The following KAZN variants were observed in gnomAD, a reference collection of about 807,000 sequenced individuals.
KAZN encodes the protein kazrin, periplakin interacting protein, also known as kazrin.
KAZN carries 40 observed loss-of-function variants against 87.4 expected under a neutral mutation model. That is an observed-to-expected ratio of 0.46 (90% confidence interval 0.36 to 0.60). The LOEUF is 0.60. KAZN is among the 20% of genes least tolerant of loss of function. KAZN has a pLI of 0.00. For missense variants in KAZN, 898 were observed against 1,073.9 expected, an observed-to-expected ratio of 0.84 and a Z score of 2.29; for synonymous variants, 466 against 458.3, an observed-to-expected ratio of 1.02 and a Z score of -0.22.
chr1:14,635,910 G>A (rs1679945646), intron 1 of KAZN, among the ~76,000 whole-genome samples: 1 of 152,196 alleles, frequency 6.6e-6, no homozygotes, highest in Non-Finnish European at 1.5e-5. Flanking sequence ...TGACACATCA[G>A]TTCTAAACAC....
chr1:14,703,965 T>G (rs1485381824), intron 1 of KAZN, among the ~76,000 whole-genome samples: 2 of 152,226 alleles, frequency 1.3e-5, no homozygotes, highest in Non-Finnish European at 2.9e-5. Flanking sequence ...GAATGTGGCT[T>G]ACATATGAGA....
chr1:13,924,451 A>G (rs1423831734), intron 1 of KAZN, among the ~76,000 whole-genome samples: 2 of 152,180 alleles, frequency 1.3e-5, no homozygotes, highest in Non-Finnish European at 2.9e-5. Flanking sequence ...ATTGAGATTT[A>G]ATTTATATAT....
At chr1:14,183,687 C>G (rs905553204) in intron 2 of KAZN, among the ~76,000 whole-genome samples, 1 of 152,060 alleles carries the variant, frequency 6.6e-6, no homozygotes, top group Non-Finnish European at 1.5e-5. Flanking sequence ...TTAAATCTCT[C>G]CTTGGCAGTT....
At chr1:13,966,694 T>G (rs1187383066) in intron 1 of KAZN, among the ~76,000 whole-genome samples, 1 of 152,204 alleles carries the variant, frequency 6.6e-6, no homozygotes, top group Non-Finnish European at 1.5e-5. Flanking sequence ...TGAGTTGAGA[T>G]GTGCCGTAAG....
At chr1:14,456,822 G>A (rs1667591146) in intron 2 of KAZN, among the ~76,000 whole-genome samples, 1 of 152,164 alleles carries the variant, frequency 6.6e-6, no homozygotes, top group Admixed American at 6.5e-5. Context: ...GCTCACACCT[G>A]TAATCCCAGC....
At chr1:14,413,688 C>T (rs1051331382) in intron 2 of KAZN, among the ~76,000 whole-genome samples, 1 of 141,934 alleles carries the variant, frequency 7.0e-6, no homozygotes, top group South Asian at 2.3e-4. Context: ...TTTGGAAACA[C>T]AAATGACAAA....
At chr1:14,707,247 T>C (rs145832800) in intron 1 of KAZN, among the ~76,000 whole-genome samples, 2 of 152,324 alleles carry the variant, frequency 1.3e-5, no homozygotes, top group Non-Finnish European at 2.9e-5. Flanking sequence ...GGAGGGGACA[T>C]GCTGGCTTCT....
chr1:14,382,007 A>T (rs567562786), intron 2 of KAZN, among the ~76,000 whole-genome samples: 1 of 152,230 alleles, frequency 6.6e-6, no homozygotes, highest in Non-Finnish European at 1.5e-5. Context: ...AAGATACAAA[A>T]ATCAGTAGCA....
chr1:14,466,933 C>G (rs907363483), intron 2 of KAZN, among the ~76,000 whole-genome samples: 1 of 152,086 alleles, frequency 6.6e-6, no homozygotes, highest in Non-Finnish European at 1.5e-5. Context: ...CGCGCCACTG[C>G]GCTCCAGCCT....
chr1:14,521,499 G>A (rs549017649), intron 2 of KAZN, among the ~76,000 whole-genome samples: 3 of 152,316 alleles, frequency 2.0e-5, no homozygotes, highest in East Asian at 1.9e-4. Flanking sequence ...TGTGAACCCT[G>A]TAATGCTGAG....
chr1:14,425,778 A>G (rs769396597), intron 2 of KAZN, among the ~76,000 whole-genome samples: 12 of 152,214 alleles, frequency 7.9e-5, no homozygotes, highest in Admixed American at 1.3e-4. Context: ...TATTTGTCCC[A>G]TTTTATAGGT....
intron 2 of KAZN, among the ~76,000 whole-genome samples, chr1:14,385,100 G>C (rs985533578): frequency 6.6e-6 from 1 of 151,942 alleles, no homozygotes; most frequent in African/African-American, 2.4e-5. Flanking sequence ...TAGTTTATTT[G>C]CGTAGAGGTG....
intron 1 of KAZN, among the ~76,000 whole-genome samples, chr1:14,794,660 C>T (rs976846254): frequency 1.3e-5 from 2 of 152,224 alleles, no homozygotes; most frequent in Admixed American, 6.5e-5. Flanking sequence ...GTGAAGTCAG[C>T]TCATGCACAC....
At chr1:14,522,357 C>G (rs903299828) in intron 2 of KAZN, among the ~76,000 whole-genome samples, 1 of 152,210 alleles carries the variant, frequency 6.6e-6, no homozygotes, top group Non-Finnish European at 1.5e-5. Flanking sequence ...AAAGTTTGCT[C>G]TTTATGGTGA....
At position 13,913,172 on chromosome 1, in the gene KAZN, G is replaced by A. The variant is rs559214148; in HGVS notation, c.91+19416G>A. Reference sequence around the variant, plus strand: ...AAGACAAGGTGTTCTAGGGCATACAGGAGAGACAGAAGCCTAGCCCTTGCC... The same window carrying A: ...AAGACAAGGTGTTCTAGGGCATACAAGAGAGACAGAAGCCTAGCCCTTGCC... On this transcript the variant is annotated intron_variant, in intron 1 of 16. Coordinates refer to the KAZN transcript ENST00000636203. Among the ~76,000 whole-genome samples, 11 of 152,302 alleles carry A rather than the reference G, an allele frequency of 7.2e-5. No individual in the cohort carries two copies. The South Asian group carries it at 2.3e-3, about 32-fold the overall frequency.
intron 2 of KAZN, among the ~76,000 whole-genome samples, chr1:14,377,074 GCCATTCTC>G (rs55720016): frequency 0.88 from 133,298 of 151,530 alleles, 58,785 homozygotes; most frequent in Middle Eastern, 0.93. Context: ...TAGCTACTTA[GCCATTCTC>G]CCATTCTTGT....
At chr1:14,924,258 G>A in intron 1 of KAZN, 1 of 982,086 alleles carries the variant, frequency 1.0e-6, no homozygotes, top group South Asian at 4.7e-5. Flanking sequence ...GGCGGGGGCG[G>A]GCTCGGCTGC....
chr1:14,248,761 T>C (rs10158007), intron 2 of KAZN, among the ~76,000 whole-genome samples: 75,926 of 152,084 alleles, frequency 0.5, 20,769 homozygotes, highest in African/African-American at 0.71. Flanking sequence ...GGGAGTCATG[T>C]CCCCTCCCCT....
At chr1:15,058,710 T>G (rs1188206959) in intron 5 of KAZN, among the ~76,000 whole-genome samples, 1 of 152,208 alleles carries the variant, frequency 6.6e-6, no homozygotes, top group Non-Finnish European at 1.5e-5. Flanking sequence ...ACAGATATGA[T>G]ATGTAAATAT....
Sources: gnomAD v4.1 joint callset for allele counts (sites outside exome capture counted in the v4.1 genomes callset) on GRCh38, gnomAD v4.1.1 for gene constraint, MANE v1.5 for transcripts, NCBI Gene and HGNC (gene_info 2026-07-23, HGNC 2026-07-21) for gene names.